UNC5D: variants seen among roughly 807,000 people sequenced by gnomAD.
UNC5D encodes the protein unc-5 netrin receptor D, also known as netrin receptor UNC5D.
In UNC5D, 39 loss-of-function variants were observed where a neutral mutation model predicts 105.4. The observed-to-expected ratio is 0.37, with a 90% CI of 0.29 to 0.48. UNC5D has a LOEUF of 0.48. Among genes scored for constraint, UNC5D ranks in the 20% least tolerant of loss-of-function variants. UNC5D has a pLI of 0.98. For synonymous variants in UNC5D, 452 were observed against 450.4 expected (o/e 1.00, Z -0.04); for missense variants, 991 against 1,202.4 (o/e 0.82, Z 2.60).
intron 1 of UNC5D, among the ~76,000 whole-genome samples, chr8:35,310,345 G>A (rs1808775820): frequency 1.3e-5 from 2 of 152,190 alleles, no homozygotes; most frequent in Admixed American, 1.3e-4. Context: ...TTTAGGCTGG[G>A]AGCGGTGGCT....
At chr8:35,718,830 C>T (rs573999611) in intron 8 of UNC5D, among the ~76,000 whole-genome samples, 1 of 151,822 alleles carries the variant, frequency 6.6e-6, no homozygotes, top group Non-Finnish European at 1.5e-5. Context: ...GAGTAGGGGT[C>T]GGGGGGTATA....
intron 4 of UNC5D, among the ~76,000 whole-genome samples, chr8:35,654,925 C>T (rs975565873): frequency 6.6e-6 from 1 of 152,126 alleles, no homozygotes; most frequent in Non-Finnish European, 1.5e-5. Context: ...GGAGTCCCTT[C>T]TCTGAAGTCC....
chr8:35,369,221 A>G (rs1232070953), intron 1 of UNC5D, among the ~76,000 whole-genome samples: 5 of 152,200 alleles, frequency 3.3e-5, no homozygotes, highest in African/African-American at 1.2e-4. Flanking sequence ...CTAGGAGATG[A>G]GTTCTTTAAG....
chr8:35,605,941 A>G lies in UNC5D; in HGVS notation c.570+10284A>G, dbSNP rs370560650. Among the ~76,000 whole-genome samples, 37 of 152,038 alleles carry G rather than the reference A, an allele frequency of 2.4e-4. No individual in the cohort carries two copies. In the East Asian group the frequency reaches 4.5e-3, roughly 18 times the overall value. On this transcript the variant is annotated intron_variant, in intron 4 of 16. Transcript: ENST00000404895. Reference sequence around the variant, plus strand: ...ATTTATATAAAAGTTGAAGTACTACATAAAGTTCTCCTGTACCTTCCCCCT... The same window carrying G: ...ATTTATATAAAAGTTGAAGTACTACGTAAAGTTCTCCTGTACCTTCCCCCT...
chr8:35,684,516 C>T (rs1825880761), intron 5 of UNC5D, 66 bp from the exon 6 acceptor site: 2 of 1,564,150 alleles, frequency 1.3e-6, no homozygotes, highest in Non-Finnish European at 1.7e-6. Flanking sequence ...CAGTGGCTTG[C>T]ACATAGTAGG....
Position 35,391,626 on chromosome 8 carries a change from GC to G in UNC5D, c.103+155740del, listed in dbSNP as rs533433578. ...TAGGAAAAACTATTGGTCAAGCAAA[GC>G]TAAGTTTATTAGACTTACGTAGTAG... is the stretch of plus-strand genomic sequence containing the variant. On this transcript the variant is annotated intron_variant, in intron 1 of 16. Transcript: ENST00000404895. 2.0e-4 allele frequency among the ~76,000 whole-genome samples: 30 copies of G among 152,278 alleles called. No individual in the cohort carries two copies. The East Asian group carries it at 3.7e-3, about 19-fold the overall frequency.
intron 1 of UNC5D, among the ~76,000 whole-genome samples, chr8:35,449,885 A>G (rs1323267063): frequency 3.3e-5 from 5 of 152,238 alleles, no homozygotes; most frequent in Admixed American, 2.0e-4. Flanking sequence ...TTGGGCTTCC[A>G]TGGTGATCCA....
intron 1 of UNC5D, among the ~76,000 whole-genome samples, chr8:35,431,222 A>G (rs1435327553): frequency 6.6e-6 from 1 of 152,198 alleles, no homozygotes; most frequent in Non-Finnish European, 1.5e-5. Flanking sequence ...AAGTGTAAAA[A>G]GGGTAGTTAT....
At chr8:35,665,416 G>A (rs1026610249) in intron 4 of UNC5D, among the ~76,000 whole-genome samples, 4 of 152,074 alleles carry the variant, frequency 2.6e-5, no homozygotes, top group African/African-American at 9.7e-5. Context: ...GCAGGATCCA[G>A]TACAAGCTGC....
At chr8:35,776,014 G>A (rs927708540) in intron 16 of UNC5D, among the ~76,000 whole-genome samples, 7 of 152,210 alleles carry the variant, frequency 4.6e-5, no homozygotes, top group African/African-American at 1.7e-4. Flanking sequence ...AAGATGAGAT[G>A]TCTTGTCTAT....
At chr8:35,603,284 CTTCAT>C (rs1820025177) in intron 4 of UNC5D, among the ~76,000 whole-genome samples, 1 of 152,084 alleles carries the variant, frequency 6.6e-6, no homozygotes, top group African/African-American at 2.4e-5. Flanking sequence ...TTATTTCTGT[CTTCAT>C]TTCATTATGT....
chr8:35,418,297 T>A (rs1805654618), intron 1 of UNC5D, among the ~76,000 whole-genome samples: 1 of 152,194 alleles, frequency 6.6e-6, no homozygotes, highest in Admixed American at 6.5e-5. Flanking sequence ...GCAATTGTTA[T>A]CAGAGACTCA....
intron 1 of UNC5D, among the ~76,000 whole-genome samples, chr8:35,472,149 TA>T (rs1809779854): frequency 5.3e-5 from 8 of 152,174 alleles, no homozygotes; most frequent in Non-Finnish European, 1.2e-4. Flanking sequence ...TCTTGATTTG[TA>T]TATTTAGAAA....
intron 1 of UNC5D, among the ~76,000 whole-genome samples, chr8:35,547,538 A>G (rs1815784494): frequency 1.3e-5 from 2 of 152,158 alleles, no homozygotes; most frequent in Non-Finnish European, 2.9e-5. Flanking sequence ...ACCTCAAGTG[A>G]TCTGCCTGCC....
At chr8:35,589,033 G>A (rs1486427459) in intron 3 of UNC5D, among the ~76,000 whole-genome samples, 2 of 150,394 alleles carry the variant, frequency 1.3e-5, no homozygotes, top group Non-Finnish European at 3.0e-5. Context: ...ACAAGAGCAA[G>A]ACTTCATCTC....
chr8:35,526,332 TG>T (rs1406725406), intron 1 of UNC5D, among the ~76,000 whole-genome samples: 7 of 152,162 alleles, frequency 4.6e-5, no homozygotes, highest in Non-Finnish European at 8.8e-5. Flanking sequence ...CCTGAGTCCT[TG>T]GACACTGCAG....
intron 1 of UNC5D, among the ~76,000 whole-genome samples, chr8:35,454,589 A>T (rs897231815): frequency 6.6e-6 from 1 of 152,086 alleles, no homozygotes; most frequent in Non-Finnish European, 1.5e-5. Flanking sequence ...CTAATCTTCT[A>T]TTAGTTTTCC....
chr8:35,400,924 A>G (rs1468192538), intron 1 of UNC5D, among the ~76,000 whole-genome samples: 1 of 152,188 alleles, frequency 6.6e-6, no homozygotes, highest in Non-Finnish European at 1.5e-5. Flanking sequence ...TAACTGATAT[A>G]TAATGCCTGT....
At chr8:35,246,417 G>C (rs1279733010) in intron 1 of UNC5D, among the ~76,000 whole-genome samples, 2 of 150,688 alleles carry the variant, frequency 1.3e-5, no homozygotes, top group Non-Finnish European at 3.0e-5. Flanking sequence ...ATTTTTTTTT[G>C]TTTTGATTTC....
Sources: gnomAD v4.1 joint callset for allele counts (sites outside exome capture counted in the v4.1 genomes callset) on GRCh38, gnomAD v4.1.1 for gene constraint, MANE v1.5 for transcripts, NCBI Gene and HGNC (gene_info 2026-07-23, HGNC 2026-07-21) for gene names.